Variants in SESTD1 observed in about 807,000 individuals in gnomAD.
The protein encoded by SESTD1 is SEC14 and spectrin domain containing 1.
SESTD1 carries 43 observed loss-of-function variants against 101.7 expected under a neutral mutation model. The ratio of observed to expected loss-of-function variants is 0.42; its 90% CI spans 0.33 to 0.55. The LOEUF (loss-of-function observed/expected upper bound fraction) is 0.55. SESTD1 is among the 20% of genes least tolerant of loss of function. The probability of loss-of-function intolerance (pLI) is 0.07; values close to 1 mark genes in which losing one functional copy is unlikely to be tolerated. For missense variants in SESTD1, 647 were observed against 815.1 expected, an observed-to-expected ratio of 0.79 and a Z score of 2.51; for synonymous variants, 283 against 286.8, an observed-to-expected ratio of 0.99 and a Z score of 0.13.
At chr2:179,201,498 C>T (rs1324187770) in intron 1 of SESTD1, among the ~76,000 whole-genome samples, 1 of 133,254 alleles carries the variant, frequency 7.5e-6, no homozygotes, top group East Asian at 2.0e-4. Context: ...GCATTATCCA[C>T]AATAGCAAAG....
chr2:179,185,552 ATATGT>A (rs1195980427), intron 2 of SESTD1, among the ~76,000 whole-genome samples: 1 of 133,674 alleles, frequency 7.5e-6, no homozygotes, highest in African/African-American at 2.9e-5. Flanking sequence ...TGATATGTAC[ATATGT>A]TATATATGTA....
chr2:179,161,526 T>G (rs2045736224), intron 5 of SESTD1, among the ~76,000 whole-genome samples: 1 of 152,090 alleles, frequency 6.6e-6, no homozygotes, highest in Non-Finnish European at 1.5e-5. Flanking sequence ...CTGGGCGTGG[T>G]GGCACATGCC....
At chr2:179,180,482 G>T (rs2046089340) in intron 3 of SESTD1, among the ~76,000 whole-genome samples, 1 of 152,136 alleles carries the variant, frequency 6.6e-6, no homozygotes. Context: ...AAAGAATGTA[G>T]ATACACCAGA....
At position 179,109,776 on chromosome 2, in the gene SESTD1, T is replaced by C; in HGVS notation, c.*123A>G. 1 of 1,251,028 alleles carries C rather than the reference T, an allele frequency of 8.0e-7. No individual in the cohort carries two copies. The allele number at this position is 1,251,028 out of a possible 1,614,324, so 77.5% of individuals were successfully genotyped here. ...GTGTTAACATGTAAAGAGAAATGTG[T>C]CATGAAAAGAAATGAGACTTATTTT... On this transcript the variant is annotated 3_prime_UTR_variant, in exon 18 of 18. Transcript: ENST00000428443.
intron 1 of SESTD1, among the ~76,000 whole-genome samples, chr2:179,257,307 T>G (rs1000895754): frequency 5.3e-5 from 8 of 152,154 alleles, no homozygotes; most frequent in Non-Finnish European, 1.2e-4. Flanking sequence ...CTATAAACAC[T>G]AAGGTAAGAC....
At chr2:179,175,809 T>C (rs2046001648) in intron 4 of SESTD1, among the ~76,000 whole-genome samples, 1 of 152,180 alleles carries the variant, frequency 6.6e-6, no homozygotes. Context: ...CACATAAACA[T>C]TCTGTGTGGA....
At chr2:179,169,771 T>C (rs967478095) in intron 5 of SESTD1, among the ~76,000 whole-genome samples, 6 of 151,946 alleles carry the variant, frequency 3.9e-5, no homozygotes, top group African/African-American at 1.5e-4. Context: ...CACCTGAGGT[T>C]TGAGACCAGC....
intron 1 of SESTD1, among the ~76,000 whole-genome samples, chr2:179,208,358 C>A (rs2046613672): frequency 7.4e-6 from 1 of 134,932 alleles, no homozygotes; most frequent in Non-Finnish European, 1.6e-5. Flanking sequence ...CATCCACTTA[C>A]AAGAAGTCCA....
intron 2 of SESTD1, 118 bp downstream of exon 2, chr2:179,191,656 TAAAGATGTCTTAG>T: frequency 1.3e-6 from 1 of 763,338 alleles, no homozygotes; most frequent in Non-Finnish European, 2.2e-6. Context: ...CATTCTGATT[TAAAGATGTCTTAG>T]AAATACCTTT....
chr2:179,248,891 G>A (rs1228767977), intron 1 of SESTD1, among the ~76,000 whole-genome samples: 1 of 150,528 alleles, frequency 6.6e-6, no homozygotes, highest in Admixed American at 6.6e-5. Context: ...GACCAACCTG[G>A]TCAACGTAGG....
chr2:179,144,029 T>C (rs1469347070), intron 8 of SESTD1, among the ~76,000 whole-genome samples: 2 of 152,086 alleles, frequency 1.3e-5, no homozygotes, highest in Admixed American at 6.6e-5. Flanking sequence ...GTAAACTAGA[T>C]AGTATATTAA....
rs949724776 is a variant in SESTD1, at chr2:179,102,062, A to G, written c.*7837T>C. 1.3e-5 allele frequency: 2 copies of G among 152,082 alleles called. No homozygotes were observed. The highest frequency in any genetic ancestry group is 4.8e-5 in the African/African-American group (2 of 41,420). The allele number at this position is 152,082 out of a possible 1,614,324, so 9.4% of individuals were successfully genotyped here. A position where few individuals can be genotyped will look rare whatever the true frequency, so the allele number is the denominator to read the frequency against. ...TTGTAATATGCCTCCTCCATCCCTA[A>G]ATACACATTCACCTTTGATGCCTTA... On this transcript the variant is annotated 3_prime_UTR_variant, in exon 18 of 18. Transcript: ENST00000428443.
chr2:179,218,573 C>A (rs1574044069), intron 1 of SESTD1, among the ~76,000 whole-genome samples: 1 of 150,072 alleles, frequency 6.7e-6, no homozygotes, highest in Admixed American at 6.6e-5. Flanking sequence ...CCAAAAAAAA[C>A]TAATATCATT....
intron 2 of SESTD1, among the ~76,000 whole-genome samples, chr2:179,185,570 TA>T (rs1339864639): frequency 3.0e-5 from 4 of 132,462 alleles, no homozygotes; most frequent in African/African-American, 1.2e-4. Flanking sequence ...TATATGTATA[TA>T]ATATACTATA....
chr2:179,184,617 T>C (rs1295692615), intron 2 of SESTD1, among the ~76,000 whole-genome samples: 1 of 152,160 alleles, frequency 6.6e-6, no homozygotes, highest in Non-Finnish European at 1.5e-5. Flanking sequence ...TGAATGACTC[T>C]GTTGGTTTGA....
intron 4 of SESTD1, 42 bp downstream of exon 4, chr2:179,176,406 G>A (rs373228617): frequency 2.5e-4 from 362 of 1,472,110 alleles, no homozygotes; most frequent in Non-Finnish European, 3.2e-4. Flanking sequence ...ATCTGTTGCT[G>A]TAAAATAAAA....
chr2:179,112,688 C>T (rs775866841), intron 17 of SESTD1, 36 bp downstream of exon 17: 1 of 1,556,666 alleles, frequency 6.4e-7, no homozygotes, highest in East Asian at 2.3e-5. Flanking sequence ...AAGACCACAC[C>T]AATAAAAAAT....
At chr2:179,183,909 G>A (rs2046163979) in intron 2 of SESTD1, among the ~76,000 whole-genome samples, 1 of 151,710 alleles carries the variant, frequency 6.6e-6, no homozygotes, top group African/African-American at 2.4e-5. Flanking sequence ...AGGGAGGTAG[G>A]GAGGGAGGGA....
Position 179,109,997 on chromosome 2 carries a change from T to G in SESTD1, c.1993A>C (p.Met665Leu), listed in dbSNP as rs1271027404. The G allele has an allele frequency of 6.2e-7, 1 of 1,613,816 alleles. No homozygotes were observed. Among genetic ancestry groups the G allele is most frequent in the East Asian group, 2.2e-5 (1 of 44,868 alleles). ...CTGATGTTTTCTGCAGTAGAAGCCATGTCACTTGGACTCCCAAAATATTGT... is the reference window on the plus strand; with the variant it reads ...CTGATGTTTTCTGCAGTAGAAGCCAGGTCACTTGGACTCCCAAAATATTGT... ...TEQYFGSPSD[M>L]ASTAENIRDR... The change falls in exon 18 of 18, where the codon ATG becomes CTG. Residue 665 changes from methionine (M) to leucine (L), a missense_variant. Met to Leu is a conservative substitution (Grantham distance 15). This residue lies in a region of SESTD1 where 476 missense variants were observed against 562.6 expected (regional missense o/e 0.85). Transcript: ENST00000428443.
Sources: allele counts gnomAD v4.1 joint callset (sites outside exome capture counted in the v4.1 genomes callset), GRCh38; gene constraint gnomAD v4.1.1; regional missense constraint gnomAD v4.1.1; transcripts MANE v1.5; gene names NCBI Gene and HGNC (gene_info 2026-07-23, HGNC 2026-07-21).